The following IL12RB2 variants were observed in gnomAD, a reference collection of about 807,000 sequenced individuals.
The protein encoded by IL12RB2 is interleukin 12 receptor subunit beta 2.
A neutral mutation model predicts 89.4 loss-of-function variants in IL12RB2; 82 were observed. The observed-to-expected ratio is 0.92, with a 90% CI of 0.77 to 1.10. The LOEUF is 1.10. Ranked by LOEUF, IL12RB2 falls within the 50% of genes least tolerant of loss-of-function variation. The probability of loss-of-function intolerance (pLI) is 0.00; values close to 1 mark genes in which losing one functional copy is unlikely to be tolerated. For synonymous variants in IL12RB2, 368 were observed against 370.1 expected (o/e 0.99, Z 0.07); for missense variants, 963 against 1,031.9 (o/e 0.93, Z 0.92).
chr1:67,351,166 C>G (rs995448559), intron 10 of IL12RB2, 77 bp downstream of exon 10: 2 of 1,570,656 alleles, frequency 1.3e-6, no homozygotes, highest in Admixed American at 1.9e-5. Flanking sequence ...CAGGCCCAAC[C>G]CAGGACCTAA....
chr1:67,364,698 C>T (rs1023948235), intron 10 of IL12RB2, among the ~76,000 whole-genome samples: 3 of 152,232 alleles, frequency 2.0e-5, no homozygotes, highest in Non-Finnish European at 4.4e-5. Context: ...CATAGTCAGA[C>T]TTCAAGACCA....
At chr1:67,364,454 T>C (rs778921753) in intron 10 of IL12RB2, among the ~76,000 whole-genome samples, 14 of 152,204 alleles carry the variant, frequency 9.2e-5, no homozygotes, top group Non-Finnish European at 1.6e-4. Flanking sequence ...TAGAGAAAGA[T>C]ATGCCATGTT....
intron 9 of IL12RB2, among the ~76,000 whole-genome samples, chr1:67,349,491 A>G (rs898631593): frequency 6.6e-6 from 1 of 152,226 alleles, no homozygotes; most frequent in Non-Finnish European, 1.5e-5. Flanking sequence ...TCCTACTCTA[A>G]AAAGCACTTG....
At chr1:67,328,500 C>A in intron 6 of IL12RB2, 116 bp downstream of exon 6, 1 of 1,557,288 alleles carries the variant, frequency 6.4e-7, no homozygotes, top group South Asian at 1.2e-5. Context: ...GGCCAACAGG[C>A]ATAAGCAAAA....
chr1:67,380,068 T>A lies in IL12RB2; in HGVS notation c.1800T>A (p.Ala600=), dbSNP rs1664416318. ...PRVTYVLWMT[A]LTAAGESSHG... ...TGACATATGTCCTGTGGATGACAGC[T>A]CTGACAGCTGCTGGTGAAAGTTCCC... The change falls in exon 14 of 17, where the codon GCT becomes GCA. Residue 600 remains alanine (A), a synonymous_variant. Transcript: ENST00000674203. 6.2e-7 allele frequency: 1 copy of A among 1,614,116 alleles called. No homozygotes were observed. The highest frequency in any genetic ancestry group is 8.5e-7 in the Non-Finnish European group (1 of 1,179,942).
intron 5 of IL12RB2, among the ~76,000 whole-genome samples, chr1:67,327,931 G>T (rs1657545034): frequency 6.6e-6 from 1 of 152,178 alleles, no homozygotes; most frequent in Non-Finnish European, 1.5e-5. Context: ...GACAAGCAGG[G>T]TTTGGGGAAT....
Position 67,320,396 on chromosome 1 carries a change from T to C in IL12RB2, c.28T>C (p.Leu10=), listed in dbSNP as rs181312192. The C allele has an allele frequency of 1.2e-5, 19 of 1,614,012 alleles. No homozygotes were observed. Among genetic ancestry groups the C allele is most frequent in the East Asian group, 8.9e-5 (4 of 44,814 alleles). The change falls in exon 3 of 17, where the codon TTG becomes CTG. Residue 10 remains leucine (L), a synonymous_variant. Coordinates refer to ENST00000674203, the MANE Select transcript of IL12RB2 (RefSeq NM_001374259.2). MAHTFRGCS[L]AFMFIITWLL... is the part of the protein sequence containing the mutation. ...GGCACATACTTTTAGAGGATGCTCA[T>C]TGGCATTTATGTTTATAATCACGTG...
intron 15 of IL12RB2, among the ~76,000 whole-genome samples, chr1:67,387,583 CCCAG>C (rs1665340202): frequency 6.6e-6 from 1 of 151,172 alleles, no homozygotes; most frequent in Non-Finnish European, 1.5e-5. Context: ...AGCCTGTAGT[CCCAG>C]CTGAGACTCA....
chr1:67,372,365 A>G, intron 11 of IL12RB2, 71 bp from the exon 12 acceptor site: 1 of 838,100 alleles, frequency 1.2e-6, no homozygotes, highest in South Asian at 1.3e-5. Context: ...TGTATCAGAT[A>G]ATAAAATGGC....
chr1:67,366,778 G>A (rs966779130), intron 10 of IL12RB2, among the ~76,000 whole-genome samples: 2 of 152,120 alleles, frequency 1.3e-5, no homozygotes, highest in Admixed American at 6.5e-5. Context: ...ATCCTTGTTT[G>A]TGTTTGCAAA....
intron 3 of IL12RB2, 63 bp from the exon 4 acceptor site, chr1:67,321,539 A>G: frequency 9.3e-7 from 1 of 1,069,520 alleles, no homozygotes; most frequent in Non-Finnish European, 1.5e-6. Context: ...AATTACATAA[A>G]CTCTTCATTT....
At chr1:67,379,441 C>T (rs534333750) in intron 13 of IL12RB2, among the ~76,000 whole-genome samples, 7 of 133,300 alleles carry the variant, frequency 5.3e-5, no homozygotes, top group African/African-American at 1.9e-4. Context: ...ACCCAGGAGG[C>T]GGAGGTTGCA....
intron 2 of IL12RB2, among the ~76,000 whole-genome samples, chr1:67,316,790 G>A (rs1295941875): frequency 6.6e-6 from 1 of 152,170 alleles, no homozygotes; most frequent in African/African-American, 2.4e-5. Context: ...TTTAGCCCAA[G>A]CTTCGCCTCC....
chr1:67,349,091 T>G (rs1259122385), intron 9 of IL12RB2, among the ~76,000 whole-genome samples: 1 of 152,226 alleles, frequency 6.6e-6, no homozygotes, highest in African/African-American at 2.4e-5. Flanking sequence ...CAGCAGTCAC[T>G]ATGCACAGCC....
intron 13 of IL12RB2, among the ~76,000 whole-genome samples, 160 bp downstream of exon 13, chr1:67,372,943 TA>T (rs1663534423): frequency 6.6e-6 from 1 of 152,180 alleles, no homozygotes; most frequent in Non-Finnish European, 1.5e-5. Context: ...AATGAAGAAT[TA>T]GAAAAGACAT....
chr1:67,357,753 C>T (rs533133617), intron 10 of IL12RB2, among the ~76,000 whole-genome samples: 1 of 152,146 alleles, frequency 6.6e-6, no homozygotes, highest in East Asian at 1.9e-4. Flanking sequence ...GCTAACTCAG[C>T]CGATGGGATG....
chr1:67,359,215 T>C (rs1298910415), intron 10 of IL12RB2, among the ~76,000 whole-genome samples: 1 of 152,188 alleles, frequency 6.6e-6, no homozygotes, highest in African/African-American at 2.4e-5. Flanking sequence ...CAGCCCCACA[T>C]TGTTTTACAA....
intron 13 of IL12RB2, among the ~76,000 whole-genome samples, chr1:67,379,551 A>G (rs1320785965): frequency 1.3e-5 from 2 of 149,624 alleles, no homozygotes; most frequent in Non-Finnish European, 3.0e-5. Context: ...CCTTGAAAAC[A>G]ATTTGTAAAT....
At position 67,350,971 on chromosome 1, in the gene IL12RB2, C is replaced by A. The variant is rs1557435054; in HGVS notation, c.1140C>A (p.His380Gln). 6.2e-7 allele frequency: 1 copy of A among 1,614,184 alleles called. No homozygotes were observed. The change falls in exon 10 of 17, where the codon CAC becomes CAA. Residue 380 changes from histidine (H) to glutamine (Q), a missense_variant. His to Gln is a conservative substitution (Grantham distance 24, BLOSUM62 0). Transcript: ENST00000674203. ...CCATGACACAGAACATCACAGGACA[C>A]ACCTCCTGGACCACAGTCATTCCTA... is the stretch of plus-strand genomic sequence containing the variant. ...GKAMTQNITG[H>Q]TSWTTVIPRT...
Sources: allele counts gnomAD v4.1 joint callset (sites outside exome capture counted in the v4.1 genomes callset), GRCh38; gene constraint gnomAD v4.1.1; transcripts MANE v1.5; gene names NCBI Gene and HGNC (gene_info 2026-07-23, HGNC 2026-07-21).